SFMBT1: variants seen among roughly 807,000 people sequenced by gnomAD.
SFMBT1 encodes scm-like with four MBT domains protein 1.
Under a neutral mutation model 108.7 loss-of-function variants are expected in SFMBT1, and 32 were observed. The observed-to-expected ratio is 0.29, with a 90% CI of 0.22 to 0.40. The LOEUF (loss-of-function observed/expected upper bound fraction) is 0.40. Among genes scored for constraint, SFMBT1 ranks in the 10% least tolerant of loss-of-function variants. The pLI is 1.00. For missense variants in SFMBT1, 816 were observed against 1,059.6 expected (o/e 0.77, Z 3.19); for synonymous variants, 348 against 369.5 (o/e 0.94, Z 0.67).
At chr3:53,003,461 G>A (rs1021448746) in intron 1 of SFMBT1, among the ~76,000 whole-genome samples, 2 of 150,166 alleles carry the variant, frequency 1.3e-5, no homozygotes, top group East Asian at 1.9e-4. Context: ...ACGTGCATGA[G>A]AGCAAAGTAT....
At chr3:53,027,467 T>C (rs1163180877) in intron 1 of SFMBT1, among the ~76,000 whole-genome samples, 1 of 152,224 alleles carries the variant, frequency 6.6e-6, no homozygotes, top group East Asian at 1.9e-4. Context: ...AGCTACTTAG[T>C]GTCTGCTAAA....
intron 1 of SFMBT1, among the ~76,000 whole-genome samples, chr3:53,017,117 T>C (rs561021077): frequency 6.6e-6 from 1 of 152,308 alleles, no homozygotes; most frequent in East Asian, 1.9e-4. Flanking sequence ...ATACAGTAAT[T>C]CTGCAAAGTA....
intron 1 of SFMBT1, among the ~76,000 whole-genome samples, chr3:53,025,485 C>T (rs571258033): frequency 8.0e-4 from 122 of 152,166 alleles, no homozygotes; most frequent in Middle Eastern, 6.8e-3. Flanking sequence ...GGCATGGTGG[C>T]ACACGCTTAT....
At chr3:52,927,742 C>A (rs1475994487) in intron 9 of SFMBT1, among the ~76,000 whole-genome samples, 1 of 152,066 alleles carries the variant, frequency 6.6e-6, no homozygotes, top group Non-Finnish European at 1.5e-5. Flanking sequence ...GTAGAAAGTC[C>A]CCTCCATGAC....
intron 1 of SFMBT1, among the ~76,000 whole-genome samples, chr3:52,999,467 T>G (rs1045121373): frequency 6.7e-6 from 1 of 150,212 alleles, no homozygotes; most frequent in African/African-American, 2.4e-5. Flanking sequence ...CCGGATTGCG[T>G]TGGGGTAGTC....
chr3:52,918,373 G>C, intron 13 of SFMBT1, 111 bp downstream of exon 13: 1 of 790,388 alleles, frequency 1.3e-6, no homozygotes. Flanking sequence ...ATCAAATGTT[G>C]AATTAAAAAA....
In SFMBT1 at chr3:52,969,242, G is replaced by A. The variant is rs1363857306; in HGVS notation, c.-114C>T. The A allele has an allele frequency of 1.6e-5, 24 of 1,539,722 alleles. No homozygotes were observed. Among genetic ancestry groups the A allele is most frequent in the South Asian group, 2.5e-5 (2 of 81,336 alleles). ...AAGCATCTGTTCAATGGGTATCCAC[G>A]GGTCCAAATGAAAGTGCTGAAAAAT... On this transcript the variant is annotated 5_prime_UTR_variant, in exon 2 of 21. Transcript: ENST00000394752.
At chr3:52,916,705 C>CA (rs58766465) in intron 13 of SFMBT1, among the ~76,000 whole-genome samples, 6 of 150,972 alleles carry the variant, frequency 4.0e-5, no homozygotes, top group South Asian at 4.2e-4. Flanking sequence ...ACAACAACAA[C>CA]AAAAAACTAC....
At chr3:53,016,948 T>C (rs1699145893) in intron 1 of SFMBT1, among the ~76,000 whole-genome samples, 1 of 152,234 alleles carries the variant, frequency 6.6e-6, no homozygotes, top group South Asian at 2.1e-4. Context: ...AATTTCCTTT[T>C]TATTTTTCCC....
intron 10 of SFMBT1, among the ~76,000 whole-genome samples, chr3:52,924,446 AGCC>A (rs1702600936): frequency 6.6e-6 from 1 of 152,136 alleles, no homozygotes; most frequent in Non-Finnish European, 1.5e-5. Context: ...GTTTGAGACC[AGCC>A]TGGCCAACAT....
chr3:53,042,081 A>C lies in SFMBT1; in HGVS notation c.-131+3735T>G, dbSNP rs371470439. 2.6e-4 allele frequency among the ~76,000 whole-genome samples: 39 copies of C among 152,374 alleles called. No homozygotes were observed. The East Asian group carries it at 5.2e-3, about 20-fold the overall frequency. ...TAAGAGAAAAAATGTAACATTAAAA[A>C]TATTAAAGATGTAAAATGTCTGCCT... On this transcript the variant is annotated intron_variant, in intron 1 of 20. Transcript: ENST00000394752.
intron 1 of SFMBT1, among the ~76,000 whole-genome samples, chr3:52,989,498 T>C (rs1438592850): frequency 2.0e-5 from 3 of 150,686 alleles, no homozygotes; most frequent in Non-Finnish European, 4.4e-5. Context: ...CTAATGTTCA[T>C]GTTTTATAAG....
chr3:53,041,843 C>T (rs1479787288), intron 1 of SFMBT1, among the ~76,000 whole-genome samples: 2 of 151,682 alleles, frequency 1.3e-5, no homozygotes, highest in East Asian at 1.9e-4. Flanking sequence ...TCCCCACACA[C>T]TTTTATCCCA....
At chr3:52,908,447 A>G (rs1702132204) in intron 17 of SFMBT1, among the ~76,000 whole-genome samples, 1 of 152,250 alleles carries the variant, frequency 6.6e-6, no homozygotes, top group Middle Eastern at 3.4e-3. Flanking sequence ...TTCTATTTGG[A>G]TATCTGGTTG....
At chr3:52,969,725 C>G (rs1050022610) in intron 1 of SFMBT1, among the ~76,000 whole-genome samples, 1 of 152,196 alleles carries the variant, frequency 6.6e-6, no homozygotes, top group Middle Eastern at 3.4e-3. Flanking sequence ...TATGCAGATC[C>G]ATAAATATCA....
chr3:52,963,615 A>AT (rs907791468), intron 2 of SFMBT1, among the ~76,000 whole-genome samples: 51 of 146,900 alleles, frequency 3.5e-4, no homozygotes, highest in South Asian at 3.2e-3. Flanking sequence ...CACCTGGCTA[A>AT]TTTTTTTTTT....
At chr3:53,007,912 G>A (rs1207230584) in intron 1 of SFMBT1, among the ~76,000 whole-genome samples, 2 of 152,100 alleles carry the variant, frequency 1.3e-5, no homozygotes, top group Non-Finnish European at 2.9e-5. Context: ...GAGAAAACAT[G>A]AGACAAACCC....
intron 12 of SFMBT1, 59 bp from the exon 13 acceptor site, chr3:52,918,585 A>G (rs1444829116): frequency 1.7e-6 from 2 of 1,144,880 alleles, no homozygotes. Flanking sequence ...AGGAAAATTC[A>G]TATGTGTATT....
intron 1 of SFMBT1, among the ~76,000 whole-genome samples, chr3:53,000,983 T>C (rs1171606457): frequency 1.3e-5 from 2 of 150,014 alleles, no homozygotes; most frequent in African/African-American, 4.9e-5. Flanking sequence ...TGGCTGTGAG[T>C]TTATTACAGA....
Sources: gnomAD v4.1 joint callset for allele counts (sites outside exome capture counted in the v4.1 genomes callset) on GRCh38, gnomAD v4.1.1 for gene constraint, MANE v1.5 for transcripts, NCBI Gene and HGNC (gene_info 2026-07-23, HGNC 2026-07-21) for gene names.